CSMD1: variants seen among roughly 807,000 people sequenced by gnomAD.
The protein encoded by CSMD1 is CUB and Sushi multiple domains 1, also known as CUB and sushi domain-containing protein 1.
A neutral mutation model predicts 417.5 loss-of-function variants in CSMD1; 213 were observed. That is an observed-to-expected ratio of 0.51 (90% CI 0.46 to 0.57). CSMD1 has a LOEUF of 0.57. Among genes scored for constraint, CSMD1 ranks in the 20% least tolerant of loss-of-function variants. The pLI is 0.00. For synonymous variants in CSMD1, 2,862 were observed against 1,736.8 expected, an observed-to-expected ratio of 1.65 and a Z score of -16.11; for missense variants, 6,923 against 4,529.7, an observed-to-expected ratio of 1.53 and a Z score of -15.17.
intron 3 of CSMD1, among the ~76,000 whole-genome samples, chr8:4,228,589 C>CTTTTT (rs201365918): frequency 7.9e-5 from 11 of 138,366 alleles, no homozygotes; most frequent in East Asian, 2.1e-4. Context: ...TCTGTCAGAT[C>CTTTTT]TTTTTTTTTT....
At chr8:3,561,541 T>C (rs565760576) in intron 10 of CSMD1, among the ~76,000 whole-genome samples, 2 of 152,270 alleles carry the variant, frequency 1.3e-5, no homozygotes, top group East Asian at 3.9e-4. Flanking sequence ...AAATACCACA[T>C]GTTCTCGATT....
chr8:3,460,708 C>G (rs1816445633), intron 12 of CSMD1, among the ~76,000 whole-genome samples: 2 of 152,116 alleles, frequency 1.3e-5, no homozygotes, highest in African/African-American at 2.4e-5. Flanking sequence ...ACCAATGTCG[C>G]TAAGAAGAAA....
chr8:3,768,790 T>C (rs970174600), intron 5 of CSMD1, among the ~76,000 whole-genome samples: 6 of 152,370 alleles, frequency 3.9e-5, no homozygotes, highest in Middle Eastern at 3.4e-3. Context: ...AGGCTTGTCC[T>C]AAGTTTTGCT....
intron 1 of CSMD1, among the ~76,000 whole-genome samples, chr8:4,929,791 G>A (rs1226509694): frequency 2.0e-5 from 3 of 152,130 alleles, no homozygotes; most frequent in Admixed American, 6.5e-5. Flanking sequence ...GTGGGAGAGA[G>A]AATTCAGCCA....
intron 5 of CSMD1, among the ~76,000 whole-genome samples, chr8:3,908,223 A>G (rs1808236817): frequency 6.7e-6 from 1 of 150,324 alleles, no homozygotes; most frequent in South Asian, 2.2e-4. Flanking sequence ...TATCAAATTT[A>G]ATTTGCATAA....
At chr8:4,823,098 C>G (rs1028635709) in intron 1 of CSMD1, among the ~76,000 whole-genome samples, 2 of 152,040 alleles carry the variant, frequency 1.3e-5, no homozygotes, top group African/African-American at 4.8e-5. Context: ...TGTCTTGATA[C>G]AGCATGAATA....
intron 3 of CSMD1, among the ~76,000 whole-genome samples, chr8:4,211,118 A>C (rs1240031788): frequency 6.6e-6 from 1 of 152,190 alleles, no homozygotes; most frequent in Non-Finnish European, 1.5e-5. Context: ...TTGCTGTTAT[A>C]TATTCCTGAA....
intron 1 of CSMD1, among the ~76,000 whole-genome samples, chr8:4,785,410 C>G (rs368173309): frequency 3.3e-5 from 5 of 152,086 alleles, no homozygotes; most frequent in Admixed American, 2.0e-4. Context: ...CTCTTAGGTA[C>G]CAAAATGCCC....
intron 10 of CSMD1, among the ~76,000 whole-genome samples, chr8:3,514,626 A>G (rs1045286038): frequency 6.6e-6 from 1 of 152,206 alleles, no homozygotes; most frequent in African/African-American, 2.4e-5. Flanking sequence ...TACTTTTTTC[A>G]GTGCTAGTCA....
chr8:4,098,723 A>T (rs907723458), intron 3 of CSMD1, among the ~76,000 whole-genome samples: 1 of 152,222 alleles, frequency 6.6e-6, no homozygotes, highest in African/African-American at 2.4e-5. Flanking sequence ...GTTTATTTCC[A>T]TTCAGCAATA....
intron 5 of CSMD1, among the ~76,000 whole-genome samples, chr8:3,991,332 G>T (rs1226618912): frequency 2.6e-5 from 4 of 152,194 alleles, no homozygotes; most frequent in Non-Finnish European, 2.9e-5. Flanking sequence ...TTGTGGCGTA[G>T]TCTGGGATGG....
chr8:4,776,385 TA>T (rs1796854343), intron 1 of CSMD1, among the ~76,000 whole-genome samples: 1 of 152,186 alleles, frequency 6.6e-6, no homozygotes, highest in Non-Finnish European at 1.5e-5. Flanking sequence ...ATATCTACTA[TA>T]CGTTAACTCA....
chr8:3,911,532 T>TA (rs1012148560), intron 5 of CSMD1, among the ~76,000 whole-genome samples: 33,850 of 114,052 alleles, frequency 0.3, 4,365 homozygotes, highest in East Asian at 0.4. Flanking sequence ...CGTCTCAAAA[T>TA]AAAAAAAAAA....
chr8:3,153,976 C>T (rs1819359553), intron 39 of CSMD1, among the ~76,000 whole-genome samples: 1 of 152,038 alleles, frequency 6.6e-6, no homozygotes, highest in East Asian at 1.9e-4. Flanking sequence ...TCCTTTGTAA[C>T]TTTTTTTTAA....
At chr8:3,162,495 T>G (rs888942366) in intron 37 of CSMD1, among the ~76,000 whole-genome samples, 1 of 152,308 alleles carries the variant, frequency 6.6e-6, no homozygotes, top group Middle Eastern at 3.4e-3. Flanking sequence ...CATTACACAA[T>G]GAATCAAGGC....
At chr8:3,743,987 C>G (rs962371120) in intron 6 of CSMD1, among the ~76,000 whole-genome samples, 1 of 152,190 alleles carries the variant, frequency 6.6e-6, no homozygotes, top group Admixed American at 6.5e-5. Flanking sequence ...TCCCCTACCC[C>G]CGTTACATGA....
intron 1 of CSMD1, among the ~76,000 whole-genome samples, chr8:4,960,371 G>T (rs186528827): frequency 6.6e-6 from 1 of 152,152 alleles, no homozygotes; most frequent in African/African-American, 2.4e-5. Flanking sequence ...TCACTATGAT[G>T]ATGTAAATTT....
At chr8:4,826,007 A>G (rs1343919527) in intron 1 of CSMD1, among the ~76,000 whole-genome samples, 1 of 152,038 alleles carries the variant, frequency 6.6e-6, no homozygotes, top group Non-Finnish European at 1.5e-5. Flanking sequence ...GAGGATGTGG[A>G]GAAATTAGAA....
intron 3 of CSMD1, among the ~76,000 whole-genome samples, chr8:4,223,309 G>C (rs1025461956): frequency 1.3e-5 from 2 of 152,282 alleles, no homozygotes; most frequent in African/African-American, 2.4e-5. Context: ...CTGCACACTC[G>C]TGGGGACTCT....
Sources: allele counts gnomAD v4.1 joint callset (sites outside exome capture counted in the v4.1 genomes callset), GRCh38; gene constraint gnomAD v4.1.1; transcripts MANE v1.5; gene names NCBI Gene and HGNC (gene_info 2026-07-23, HGNC 2026-07-21).